The following AVEN variants were observed in gnomAD, a reference collection of about 807,000 sequenced individuals.
The protein encoded by AVEN is cell death regulator Aven.
In AVEN, 41 loss-of-function variants were observed where a neutral mutation model predicts 38.1. The observed-to-expected ratio is 1.08, with a 90% CI of 0.84 to 1.40. AVEN has a LOEUF of 1.40. AVEN is among the 40% of genes most tolerant of loss of function. AVEN has a pLI of 0.00. For missense variants in AVEN, 605 were observed against 438.8 expected (o/e 1.38, Z -3.38); for synonymous variants, 206 against 171.8 (o/e 1.20, Z -1.56).
intron 2 of AVEN, among the ~76,000 whole-genome samples, chr15:33,979,444 G>T (rs1299125865): frequency 6.6e-6 from 1 of 152,094 alleles, no homozygotes; most frequent in Non-Finnish European, 1.5e-5. Context: ...AGGAGGTTGA[G>T]GCTGCACTCC....
At chr15:34,024,565 A>C (rs1567474218) in intron 1 of AVEN, among the ~76,000 whole-genome samples, 2 of 151,796 alleles carry the variant, frequency 1.3e-5, no homozygotes. Flanking sequence ...TATAAATAAA[A>C]AGGAAGGCCA....
the AVEN span, chr15:33,853,454 G>A: frequency 9.1e-5 from 129 of 1,417,366 alleles, 1 homozygote; most frequent in Middle Eastern, 1.5e-3. Context: ...CTACCCCTTG[G>A]AAGATTGCCC....
chr15:34,008,482 CCTTTTTTTTTTTTT>C (rs1484781260), intron 1 of AVEN, among the ~76,000 whole-genome samples: 5 of 71,516 alleles, frequency 7.0e-5, no homozygotes, highest in Non-Finnish European at 1.9e-4. Flanking sequence ...TGATGAAAAA[CCTTTTTTTTTTTTT>C]TTTTTTTTTT....
intron 1 of AVEN, among the ~76,000 whole-genome samples, chr15:34,003,836 T>C (rs1209224794): frequency 6.6e-6 from 1 of 152,218 alleles, no homozygotes; most frequent in Non-Finnish European, 1.5e-5. Flanking sequence ...TACTTCTTAT[T>C]AACAACTTGA....
chr15:34,057,797 A>T (rs1900210656), intron 5 of AVEN, among the ~76,000 whole-genome samples: 1 of 152,222 alleles, frequency 6.6e-6, no homozygotes, highest in Non-Finnish European at 1.5e-5. Context: ...CCTTGTTTCT[A>T]ATAAATTAAT....
chr15:34,006,996 T>A, intron 1 of AVEN: 3 of 886,778 alleles, frequency 3.4e-6, no homozygotes, highest in Non-Finnish European at 4.1e-6. Flanking sequence ...CATTTTCATA[T>A]AAATATTGTT....
At chr15:33,868,633 G>T (rs779113212) in intron 4 of AVEN, among the ~76,000 whole-genome samples, 1 of 151,594 alleles carries the variant, frequency 6.6e-6, no homozygotes, top group Non-Finnish European at 1.5e-5. Flanking sequence ...ATATAAAGGT[G>T]CAGTAACAAA....
intron 2 of AVEN, among the ~76,000 whole-genome samples, chr15:34,068,059 A>G (rs563990885): frequency 6.6e-6 from 1 of 152,270 alleles, no homozygotes; most frequent in South Asian, 2.1e-4. Context: ...AAGAACTCCT[A>G]ATGTCCTTCA....
rs533788693 is a variant in AVEN, at chr15:33,899,460, C to CTTTTTTTTTT, written c.446-23475_446-23466dup. On this transcript the variant is annotated intron_variant, in intron 2 of 5. Transcript: ENST00000306730. ...TACATTTATTTGCTTCAGGGAAAAC[C>CTTTTTTTTTT]TTTTTTTTTTTTTTTTTTTTTTTTT... Among the ~76,000 whole-genome samples the CTTTTTTTTTT allele has an allele frequency of 6.8e-3, 447 of 65,402 alleles. 61 individuals carry two copies. The highest frequency in any genetic ancestry group is 0.01 in the Non-Finnish European group (359 of 35,002). 42.9% of individuals were successfully genotyped at this position (65,402 alleles called of 152,430 possible).
chr15:33,860,000 T>C (rs1003768507), intron 11 of AVEN, among the ~76,000 whole-genome samples: 4 of 152,218 alleles, frequency 2.6e-5, no homozygotes, highest in African/African-American at 7.2e-5. Flanking sequence ...TCCTCACTTC[T>C]GCTTCTGAGA....
chr15:33,931,372 T>C (rs1228468004), intron 2 of AVEN, among the ~76,000 whole-genome samples: 8 of 70,706 alleles, frequency 1.1e-4, no homozygotes, highest in Admixed American at 3.0e-4. Flanking sequence ...TTTTTTTTTT[T>C]TTTTTTTTTT....
intron 2 of AVEN, among the ~76,000 whole-genome samples, chr15:33,885,174 C>T (rs1891653539): frequency 6.6e-6 from 1 of 152,128 alleles, no homozygotes; most frequent in South Asian, 2.1e-4. Context: ...CTGAGAAGAC[C>T]CCAATCTTCA....
At chr15:33,992,525 A>C (rs1409385562) in intron 2 of AVEN, among the ~76,000 whole-genome samples, 1 of 152,222 alleles carries the variant, frequency 6.6e-6, no homozygotes, top group Non-Finnish European at 1.5e-5. Context: ...TAGCCCTGTC[A>C]GCCAGAACAA....
At chr15:33,957,642 T>C (rs1354578380) in intron 2 of AVEN, among the ~76,000 whole-genome samples, 1 of 151,502 alleles carries the variant, frequency 6.6e-6, no homozygotes, top group African/African-American at 2.4e-5. Context: ...TCTAGTCACA[T>C]GATGGAATGC....
At chr15:33,936,553 T>C (rs184597092) in intron 2 of AVEN, among the ~76,000 whole-genome samples, 13 of 152,218 alleles carry the variant, frequency 8.5e-5, no homozygotes, top group Admixed American at 6.5e-4. Flanking sequence ...TGTAAAGAAG[T>C]CAGTTCTCCC....
At chr15:33,854,880 A>C, downstream of AVEN, 1 of 1,612,874 alleles carries the variant, frequency 6.2e-7, no homozygotes, top group South Asian at 1.1e-5. Context: ...ACTGAGGACC[A>C]TTCTGTCATC....
At chr15:33,952,965 CAA>C (rs1203346905) in intron 2 of AVEN, among the ~76,000 whole-genome samples, 1 of 151,768 alleles carries the variant, frequency 6.6e-6, no homozygotes, top group Non-Finnish European at 1.5e-5. Flanking sequence ...AATCAGTGTG[CAA>C]AAATCACAAG....
chr15:33,990,630 T>A (rs1303128392), intron 2 of AVEN: 1 of 152,230 alleles, frequency 6.6e-6, no homozygotes. Context: ...GTACAGTCTC[T>A]GCTAGCGATC....
chr15:33,857,821 C>G, downstream of AVEN: 1 of 1,614,180 alleles, frequency 6.2e-7, no homozygotes, highest in Non-Finnish European at 8.5e-7. Flanking sequence ...TGGTTTATCT[C>G]TATACTGTGG....
Sources: gnomAD v4.1 joint callset for allele counts (sites outside exome capture counted in the v4.1 genomes callset) on GRCh38, gnomAD v4.1.1 for gene constraint, MANE v1.5 for transcripts, NCBI Gene and HGNC (gene_info 2026-07-23, HGNC 2026-07-21) for gene names.